The following SLC14A2 variants were observed in gnomAD, a reference collection of about 807,000 sequenced individuals.
SLC14A2 encodes the protein urea transporter 2.
Under a neutral mutation model 104.6 loss-of-function variants are expected in SLC14A2, and 91 were observed. That is an observed-to-expected ratio of 0.87 (90% CI 0.73 to 1.04). The LOEUF is 1.04. SLC14A2 is among the 50% of genes least tolerant of loss of function. The pLI is 0.00. For synonymous variants in SLC14A2, 476 were observed against 466.4 expected (o/e 1.02, Z -0.27); for missense variants, 1,189 against 1,156.0 (o/e 1.03, Z -0.41).
chr18:45,183,906 ATTT>A, the SLC14A2 span, among the ~76,000 whole-genome samples: 8 of 62,720 alleles, frequency 1.3e-4, no homozygotes, highest in South Asian at 1.7e-3. Context: ...TAATTTTCTA[ATTT>A]TTTTTTTTTT....
At chr18:45,464,470 G>A (rs2087103348) in intron 1 of SLC14A2, among the ~76,000 whole-genome samples, 1 of 152,072 alleles carries the variant, frequency 6.6e-6, no homozygotes, top group Admixed American at 6.5e-5. Flanking sequence ...GAAGTCTTGT[G>A]GATGAATTAG....
the SLC14A2 span, chr18:45,181,139 G>T: frequency 1.3e-5 from 2 of 152,592 alleles, no homozygotes; most frequent in African/African-American, 2.4e-5. Context: ...AATGTCCCCA[G>T]ATGCCACCAA....
At chr18:45,636,172 G>A (rs1043904124) in intron 5 of SLC14A2, among the ~76,000 whole-genome samples, 3 of 152,156 alleles carry the variant, frequency 2.0e-5, no homozygotes, top group African/African-American at 7.2e-5. Flanking sequence ...AGTCTTAAAC[G>A]CCTTTTTGAA....
intron 2 of SLC14A2, among the ~76,000 whole-genome samples, chr18:45,575,534 G>A (rs775801800): frequency 1.2e-4 from 18 of 151,942 alleles, no homozygotes; most frequent in Non-Finnish European, 2.1e-4. Context: ...TCAGAAGCTC[G>A]TCTCATCACT....
At chr18:45,338,407 T>C (rs1178867528) in intron 1 of SLC14A2, among the ~76,000 whole-genome samples, 2 of 152,124 alleles carry the variant, frequency 1.3e-5, no homozygotes, top group African/African-American at 2.4e-5. Context: ...TTCACCCTCT[T>C]AGCCAGGATG....
chr18:45,187,992 AG>A, the SLC14A2 span, among the ~76,000 whole-genome samples: 1 of 152,132 alleles, frequency 6.6e-6, no homozygotes, highest in Admixed American at 6.6e-5. Flanking sequence ...GTAGCTACTT[AG>A]GAAGTGTCCT....
chr18:45,211,651 T>G (rs940214623), upstream of SLC14A2, among the ~76,000 whole-genome samples: 2 of 152,206 alleles, frequency 1.3e-5, no homozygotes, highest in African/African-American at 4.8e-5. Flanking sequence ...TTATAGCCAT[T>G]GTAATCACTA....
intron 1 of SLC14A2, among the ~76,000 whole-genome samples, chr18:45,307,185 G>A (rs1052142553): frequency 1.3e-5 from 2 of 152,048 alleles, no homozygotes; most frequent in Non-Finnish European, 2.9e-5. Context: ...GGGAGGCCAA[G>A]GCGGGCAGAT....
intron 2 of SLC14A2, among the ~76,000 whole-genome samples, chr18:45,503,749 AAAAT>A (rs2043236989): frequency 6.6e-6 from 1 of 152,194 alleles, no homozygotes; most frequent in Admixed American, 6.5e-5. Context: ...TAATGGCTTA[AAAAT>A]AAATCTCTCC....
chr18:45,190,275 T>C, the SLC14A2 span, among the ~76,000 whole-genome samples: 1 of 152,310 alleles, frequency 6.6e-6, no homozygotes, highest in East Asian at 1.9e-4. Context: ...AGAAGCAGCA[T>C]ATTAAACTAC....
chr18:45,590,137 G>T (rs1185045045), intron 2 of SLC14A2, among the ~76,000 whole-genome samples: 1 of 152,198 alleles, frequency 6.6e-6, no homozygotes, highest in Non-Finnish European at 1.5e-5. Context: ...CTAGCTGAGA[G>T]GCCAAAGGCA....
chr18:45,539,119 G>A (rs1332419639), intron 2 of SLC14A2, among the ~76,000 whole-genome samples: 1 of 151,808 alleles, frequency 6.6e-6, no homozygotes, highest in African/African-American at 2.4e-5. Context: ...TCCAAAAACT[G>A]GAGAGTCGAG....
rs943904565 is a variant in SLC14A2 at position 45,532,604 on chromosome 18, C to G, written c.-35+49282C>G. On this transcript the variant is annotated intron_variant, in intron 2 of 20. Coordinates refer to the SLC14A2 transcript ENST00000586448. The stretch of plus-strand genomic sequence containing the variant: ...AGCTTAAGGAGATTTTGGGCTGAGA[C>G]AGTGGGGTTTTCTAGATATACAATC... Among the ~76,000 whole-genome samples the G allele has an allele frequency of 2.2e-4, 33 of 151,426 alleles. No homozygotes were observed. The East Asian group carries it at 3.9e-3, about 18-fold the overall frequency.
intron 1 of SLC14A2, among the ~76,000 whole-genome samples, chr18:45,475,625 T>TATATATATATATATATTTAGG (rs1555693757): frequency 5.2e-3 from 491 of 93,950 alleles, no homozygotes; most frequent in South Asian, 7.8e-3. Flanking sequence ...TTAGGATATA[T>TATATATATATATATATTTAGG]ATATATATAT....
intron 2 of SLC14A2, among the ~76,000 whole-genome samples, chr18:45,607,718 C>T (rs1243426296): frequency 6.6e-6 from 1 of 152,164 alleles, no homozygotes; most frequent in Non-Finnish European, 1.5e-5. Context: ...AGGAGCGTAA[C>T]TGGGTTTTTC....
At chr18:45,174,346 A>C in the SLC14A2 span, among the ~76,000 whole-genome samples, 1 of 152,088 alleles carries the variant, frequency 6.6e-6, no homozygotes, top group Admixed American at 6.5e-5. Flanking sequence ...TGTAAGGGTA[A>C]TTCCTCCTCG....
chr18:45,565,804 G>A (rs1019240524), intron 2 of SLC14A2, among the ~76,000 whole-genome samples: 1 of 152,162 alleles, frequency 6.6e-6, no homozygotes, highest in Non-Finnish European at 1.5e-5. Flanking sequence ...GTTCCATCCT[G>A]TGATGGCTGT....
intron 1 of SLC14A2, among the ~76,000 whole-genome samples, chr18:45,382,434 C>G (rs2085849120): frequency 6.6e-6 from 1 of 152,144 alleles, no homozygotes. Flanking sequence ...GGGAAGACTT[C>G]ATGCAAAATA....
At chr18:45,398,196 A>T (rs539789561) in intron 1 of SLC14A2, among the ~76,000 whole-genome samples, 2 of 152,294 alleles carry the variant, frequency 1.3e-5, no homozygotes, top group East Asian at 3.9e-4. Flanking sequence ...CAGGGTTCTC[A>T]TGGTGTTCTT....
Sources: allele counts gnomAD v4.1 joint callset (sites outside exome capture counted in the v4.1 genomes callset), GRCh38; gene constraint gnomAD v4.1.1; transcripts MANE v1.5; gene names NCBI Gene and HGNC (gene_info 2026-07-23, HGNC 2026-07-21).